The following KCNMB2 variants were observed in gnomAD, a reference collection of about 807,000 sequenced individuals.
KCNMB2 encodes the protein potassium calcium-activated channel subfamily M regulatory beta subunit 2, also known as calcium-activated potassium channel subunit beta-2.
In KCNMB2, 9 loss-of-function variants were observed where a neutral mutation model predicts 24.5. The ratio of observed to expected loss-of-function variants is 0.37; its 90% CI spans 0.22 to 0.64. The LOEUF is 0.64. Ranked by LOEUF, KCNMB2 falls within the 30% of genes least tolerant of loss-of-function variation. The pLI, the probability that KCNMB2 is intolerant of heterozygous loss-of-function variation, is 0.63. For missense variants in KCNMB2, 226 were observed against 284.3 expected (o/e 0.79, Z 1.47); for synonymous variants, 109 against 104.4 (o/e 1.04, Z -0.27).
chr3:178,550,725 T>C (rs1174309823), intron 1 of KCNMB2, among the ~76,000 whole-genome samples: 2 of 152,080 alleles, frequency 1.3e-5, no homozygotes, highest in Non-Finnish European at 2.9e-5. Context: ...TTGCCACTAG[T>C]GTGGCAATTA....
intron 1 of KCNMB2, among the ~76,000 whole-genome samples, chr3:178,757,981 G>T (rs1724218706): frequency 1.8e-5 from 1 of 55,230 alleles, no homozygotes; most frequent in African/African-American, 8.7e-5. Flanking sequence ...ATAGACACAA[G>T]AGGATATATA....
intron 1 of KCNMB2, among the ~76,000 whole-genome samples, chr3:178,613,888 A>G (rs2108518848): frequency 6.6e-6 from 1 of 152,006 alleles, no homozygotes; most frequent in East Asian, 1.9e-4. Flanking sequence ...GTTCTCTGTT[A>G]TTATCCGTTT....
Position 178,712,472 on chromosome 3 carries a change from T to C in KCNMB2, c.-67-94871T>C, listed in dbSNP as rs73882840. Among the ~76,000 whole-genome samples, 1,001 of 152,306 alleles carry C rather than the reference T, an allele frequency of 6.6e-3. 9 individuals carry two copies. The highest frequency in any genetic ancestry group is 0.023 in the African/African-American group (940 of 41,570). On this transcript the variant is annotated intron_variant, in intron 1 of 4. Transcript: ENST00000452583. ...GCCGAGAGTCTGGGTGCTGAAGATG[T>C]TGAATGAGACAAACAGAGTTCTGGC...
At chr3:178,701,965 A>G (rs1463023183) in intron 1 of KCNMB2, among the ~76,000 whole-genome samples, 1 of 152,156 alleles carries the variant, frequency 6.6e-6, no homozygotes, top group African/African-American at 2.4e-5. Context: ...TCATGCTGCT[A>G]TAAAGACACA....
At chr3:178,669,107 T>C (rs1720815084) in intron 1 of KCNMB2, among the ~76,000 whole-genome samples, 1 of 152,132 alleles carries the variant, frequency 6.6e-6, no homozygotes, top group Non-Finnish European at 1.5e-5. Context: ...AAATCCTCAA[T>C]GACTGGTGTA....
intron 1 of KCNMB2, among the ~76,000 whole-genome samples, chr3:178,759,776 A>G (rs1711662506): frequency 2.8e-5 from 1 of 35,766 alleles, no homozygotes; most frequent in Non-Finnish European, 4.5e-5. Flanking sequence ...ATCCAAGAGG[A>G]TATATCTATA....
chr3:178,792,699 T>C (rs1577192427), intron 1 of KCNMB2, among the ~76,000 whole-genome samples: 1 of 152,238 alleles, frequency 6.6e-6, no homozygotes, highest in East Asian at 1.9e-4. Context: ...TATATACACA[T>C]AGGCTAAAGA....
At chr3:178,733,529 G>A (rs947991478) in intron 1 of KCNMB2, among the ~76,000 whole-genome samples, 4 of 152,070 alleles carry the variant, frequency 2.6e-5, no homozygotes, top group African/African-American at 9.7e-5. Flanking sequence ...CGCCCAGGCT[G>A]GAGGGCAATG....
chr3:178,826,551 T>G (rs1314569897), intron 3 of KCNMB2, among the ~76,000 whole-genome samples: 1 of 152,166 alleles, frequency 6.6e-6, no homozygotes, highest in Non-Finnish European at 1.5e-5. Context: ...CACCAGCATC[T>G]CTAGCTAACT....
intron 1 of KCNMB2, among the ~76,000 whole-genome samples, chr3:178,751,612 A>G (rs1723853850): frequency 6.7e-6 from 1 of 148,920 alleles, no homozygotes; most frequent in Non-Finnish European, 1.5e-5. Context: ...AAAAGCAGTT[A>G]CAAGACACTA....
intron 2 of KCNMB2, among the ~76,000 whole-genome samples, chr3:178,808,189 C>G (rs948255236): frequency 6.6e-6 from 1 of 152,172 alleles, no homozygotes; most frequent in Non-Finnish European, 1.5e-5. Context: ...TTGTGCAACT[C>G]AATCCAGTCC....
chr3:178,581,934 A>G (rs1032448520), intron 1 of KCNMB2, among the ~76,000 whole-genome samples: 1 of 152,232 alleles, frequency 6.6e-6, no homozygotes, highest in African/African-American at 2.4e-5. Flanking sequence ...TAGTTCAACC[A>G]TTGTGGAAGA....
At position 178,788,575 on chromosome 3, in the gene KCNMB2, T is replaced by A. The variant is rs369963995; in HGVS notation, c.-67-18768T>A. Among the ~76,000 whole-genome samples the A allele has an allele frequency of 3.4e-4, 52 of 152,290 alleles. 1 individual carries two copies. In the South Asian group the frequency reaches 0.011, roughly 31 times the overall value. ...TGTCACATGGAAATCCTGTATGATA[T>A]CTGCTGTTACTCTAATTTTCTTGAT... On this transcript the variant is annotated intron_variant, in intron 1 of 4. Coordinates refer to ENST00000452583, the MANE Select transcript of KCNMB2 (RefSeq NM_181361.3).
At position 178,813,341 on chromosome 3, in the gene KCNMB2, AT is replaced by A. The variant is rs1714271370; in HGVS notation, c.56+5880del. 2.6e-5 allele frequency among the ~76,000 whole-genome samples: 4 copies of A among 152,226 alleles called. No homozygotes were observed. In the South Asian group the frequency reaches 8.3e-4, roughly 32 times the overall value. The stretch of plus-strand genomic sequence containing the variant: ...TGATTGCAGTATCAATCATGATATC[AT>A]TTTGCAATTATTTCATTAGATTTAT... On this transcript the variant is annotated intron_variant, in intron 2 of 4. Coordinates refer to ENST00000452583, the MANE Select transcript of KCNMB2 (RefSeq NM_181361.3).
rs537851415 is a variant in KCNMB2 at position 178,681,678 on chromosome 3, G to A, written c.-67-125665G>A. ...AAGGTCCTTAGACAAATACGTAGCC[G>A]GATACTGTCATATCGACTACCTGAA... is the stretch of plus-strand genomic sequence containing the variant. On this transcript the variant is annotated intron_variant, in intron 1 of 4. Coordinates refer to ENST00000452583, the MANE Select transcript of KCNMB2 (RefSeq NM_181361.3). Among the ~76,000 whole-genome samples the A allele has an allele frequency of 1.5e-4, 23 of 152,244 alleles. No homozygotes were observed. The East Asian group carries it at 2.5e-3, about 17-fold the overall frequency.
intron 1 of KCNMB2, among the ~76,000 whole-genome samples, chr3:178,737,920 C>T (rs1016086892): frequency 1.3e-5 from 2 of 152,100 alleles, no homozygotes; most frequent in African/African-American, 4.8e-5. Flanking sequence ...CATTTGCTAA[C>T]AACACTGGTA....
At chr3:178,631,429 T>G (rs749765263) in intron 1 of KCNMB2, among the ~76,000 whole-genome samples, 1 of 152,202 alleles carries the variant, frequency 6.6e-6, no homozygotes, top group Non-Finnish European at 1.5e-5. Context: ...AGGACATGAA[T>G]GCATTTTACC....
chr3:178,713,468 A>G (rs1164942473), intron 1 of KCNMB2, among the ~76,000 whole-genome samples: 1 of 152,256 alleles, frequency 6.6e-6, no homozygotes, highest in Non-Finnish European at 1.5e-5. Flanking sequence ...ACCCACTGCT[A>G]GAGCAAAAAT....
At chr3:178,576,757 C>T (rs1402974048) in intron 1 of KCNMB2, among the ~76,000 whole-genome samples, 2 of 152,200 alleles carry the variant, frequency 1.3e-5, no homozygotes, top group East Asian at 1.9e-4. Context: ...CCCACCACAC[C>T]TTGGCAAAGC....
Sources: gnomAD v4.1 joint callset for allele counts (sites outside exome capture counted in the v4.1 genomes callset) on GRCh38, gnomAD v4.1.1 for gene constraint, MANE v1.5 for transcripts, NCBI Gene and HGNC (gene_info 2026-07-23, HGNC 2026-07-21) for gene names.